The following RB1 variants were observed in gnomAD, a reference collection of about 807,000 sequenced individuals.
RB1 encodes the protein retinoblastoma-associated protein.
In RB1, 18 loss-of-function variants were observed where a neutral mutation model predicts 135.4. The observed-to-expected ratio is 0.13, with a 90% confidence interval of 0.09 to 0.20. The LOEUF (loss-of-function observed/expected upper bound fraction) is 0.20, where lower values mean the gene tolerates loss of function less well. Among genes scored for constraint, RB1 ranks in the 10% least tolerant of loss-of-function variants. RB1 has a pLI of 1.00. For synonymous variants in RB1, 365 were observed against 373.2 expected (o/e 0.98, Z 0.25); for missense variants, 868 against 1,110.0 (o/e 0.78, Z 3.10).
chr13:48,447,223 G>A (rs1392189629), intron 17 of RB1, among the ~76,000 whole-genome samples: 1 of 152,172 alleles, frequency 6.6e-6, no homozygotes, highest in Non-Finnish European at 1.5e-5. Context: ...TAAAGACTAG[G>A]GAGAAGCAGT....
At chr13:48,472,618 G>T (rs769076080) in intron 23 of RB1, among the ~76,000 whole-genome samples, 2 of 152,000 alleles carry the variant, frequency 1.3e-5, no homozygotes, top group Non-Finnish European at 2.9e-5. Context: ...CAGCAAAAAC[G>T]TCACATTCTG....
chr13:48,345,747 CAT>C (rs1465709344), intron 4 of RB1, among the ~76,000 whole-genome samples: 2 of 152,120 alleles, frequency 1.3e-5, no homozygotes, highest in Non-Finnish European at 2.9e-5. Context: ...CTTAATTTGG[CAT>C]ATGTCTGTTA....
intron 17 of RB1, among the ~76,000 whole-genome samples, chr13:48,396,298 T>C (rs972919466): frequency 1.3e-5 from 2 of 151,770 alleles, no homozygotes; most frequent in East Asian, 3.9e-4. Flanking sequence ...CCAAAAAAGA[T>C]AAATAAACCA....
chr13:48,388,869 A>G (rs1451762996), intron 17 of RB1, among the ~76,000 whole-genome samples: 2 of 152,126 alleles, frequency 1.3e-5, no homozygotes, highest in African/African-American at 4.8e-5. Flanking sequence ...GTGGTATCAT[A>G]GAGAGACCGA....
intron 19 of RB1, among the ~76,000 whole-genome samples, chr13:48,457,486 G>T (rs566690074): frequency 6.6e-6 from 1 of 152,316 alleles, no homozygotes; most frequent in African/African-American, 2.4e-5. Context: ...GCCCAGAAAA[G>T]GTACCACAAG....
chr13:48,313,130 T>G (rs1454831900), intron 2 of RB1, among the ~76,000 whole-genome samples: 1 of 152,182 alleles, frequency 6.6e-6, no homozygotes, highest in Non-Finnish European at 1.5e-5. Flanking sequence ...ATGAATATCT[T>G]CCATATGAAT....
intron 23 of RB1, among the ~76,000 whole-genome samples, chr13:48,472,648 C>T (rs1405646532): frequency 6.6e-6 from 1 of 152,086 alleles, no homozygotes; most frequent in East Asian, 1.9e-4. Flanking sequence ...ACTAATAAAT[C>T]ATTGACCAGG....
At chr13:48,324,116 T>A (rs1250424880) in intron 2 of RB1, among the ~76,000 whole-genome samples, 1 of 152,152 alleles carries the variant, frequency 6.6e-6, no homozygotes, top group African/African-American at 2.4e-5. Flanking sequence ...ATGTGATGTT[T>A]TGATACAAGC....
At chr13:48,458,636 C>T (rs1373598292) in intron 19 of RB1, among the ~76,000 whole-genome samples, 1 of 152,138 alleles carries the variant, frequency 6.6e-6, no homozygotes, top group Non-Finnish European at 1.5e-5. Context: ...TAACAACCCT[C>T]CAGCTAAGTC....
chr13:48,382,813 T>C (rs534383976), intron 17 of RB1, among the ~76,000 whole-genome samples: 10 of 152,208 alleles, frequency 6.6e-5, no homozygotes, highest in African/African-American at 2.2e-4. Context: ...TCTTCTAGGG[T>C]TTTTATGGTT....
chr13:48,398,153 A>G (rs943405531), intron 17 of RB1, among the ~76,000 whole-genome samples: 33 of 152,198 alleles, frequency 2.2e-4, no homozygotes, highest in African/African-American at 8.0e-4. Context: ...CTATATTTTT[A>G]AAAGCTTCTC....
rs2138145112 is a variant in RB1, at chr13:48,381,307, T to G, written c.1559T>G (p.Val520Gly). 6.2e-7 allele frequency: 1 copy of G among 1,612,744 alleles called. No homozygotes were observed. Among genetic ancestry groups the G allele is most frequent in the Non-Finnish European group, 8.5e-7 (1 of 1,179,494 alleles). ...TDLSFPWILN[V>G]LNLKAFDFYK... Reference sequence around the variant, plus strand: ...TTGTCTTTCCCATGGATTCTGAATGTGCTTAATTTAAAAGCCTTTGATTTT... The same window carrying G: ...TTGTCTTTCCCATGGATTCTGAATGGGCTTAATTTAAAAGCCTTTGATTTT... Residue 520 changes from valine to glycine, a missense_variant, in exon 17 of 27, where the codon GTG becomes GGG. By Grantham distance (109) the Val-to-Gly change is moderately radical. Transcript: ENST00000267163.
chr13:48,421,752 C>A (rs902219036), intron 17 of RB1, among the ~76,000 whole-genome samples: 1 of 152,108 alleles, frequency 6.6e-6, no homozygotes, highest in African/African-American at 2.4e-5. Flanking sequence ...ATGTGGCCAA[C>A]AAGCATATGA....
At position 48,363,286 on chromosome 13, in the gene RB1, C is replaced by A. The variant is rs1455202393; in HGVS notation, c.861+329C>A. Reference sequence around the variant, plus strand: ...CCTGCCAAGGCTGGGCATGGTGGCTCACACCTGTAATCCCAGCTCTTTGGG... The same window carrying A: ...CCTGCCAAGGCTGGGCATGGTGGCTAACACCTGTAATCCCAGCTCTTTGGG... On this transcript the variant is annotated intron_variant, in intron 8 of 26. Transcript: ENST00000267163. 3.3e-5 allele frequency among the ~76,000 whole-genome samples: 5 copies of A among 151,742 alleles called. No homozygotes were observed. The South Asian group carries it at 1.0e-3, about 32-fold the overall frequency.
intron 2 of RB1, chr13:48,317,404 A>G: frequency 2.7e-6 from 1 of 372,554 alleles, no homozygotes; most frequent in Non-Finnish European, 4.9e-6. Context: ...CCGGTGGGTG[A>G]AGTCGCTCGA....
chr13:48,438,749 G>T lies in RB1; in HGVS notation c.1696-14244G>T, dbSNP rs1296805826. Among the ~76,000 whole-genome samples the T allele has an allele frequency of 3.3e-5, 5 of 152,068 alleles. No individual in the cohort carries two copies. In the East Asian group the frequency reaches 9.6e-4, roughly 29 times the overall value. ...ACCTTCTTTCTAGAGTTTGTTGTGA[G>T]AATTAAATAATATAAGTAATGTGGT... On this transcript the variant is annotated intron_variant, in intron 17 of 26. Transcript: ENST00000267163.
At chr13:48,457,739 G>T (rs1949369864) in intron 19 of RB1, among the ~76,000 whole-genome samples, 1 of 152,256 alleles carries the variant, frequency 6.6e-6, no homozygotes, top group Non-Finnish European at 1.5e-5. Context: ...GCGGCAGGGG[G>T]CTGGCGTGTC....
intron 6 of RB1, among the ~76,000 whole-genome samples, chr13:48,359,575 A>C (rs1593443174): frequency 6.8e-6 from 1 of 147,672 alleles, no homozygotes; most frequent in East Asian, 2.0e-4. Context: ...AATTCTAATT[A>C]TTATAATAAA....
At chr13:48,404,542 T>A (rs968544480) in intron 17 of RB1, among the ~76,000 whole-genome samples, 3 of 152,128 alleles carry the variant, frequency 2.0e-5, no homozygotes, top group Non-Finnish European at 1.5e-5. Context: ...TTTTGTTTTT[T>A]TTTAATGACA....
Sources: allele counts gnomAD v4.1 joint callset (sites outside exome capture counted in the v4.1 genomes callset), GRCh38; gene constraint gnomAD v4.1.1; transcripts MANE v1.5; gene names NCBI Gene and HGNC (gene_info 2026-07-23, HGNC 2026-07-21).